Variants in CDC42BPA observed in about 807,000 individuals in gnomAD.
CDC42BPA encodes serine/threonine-protein kinase MRCK alpha.
CDC42BPA carries 80 observed loss-of-function variants against 223.5 expected under a neutral mutation model. The observed-to-expected ratio is 0.36, with a 90% CI of 0.30 to 0.43. The LOEUF (loss-of-function observed/expected upper bound fraction) is 0.43, where lower values mean the gene tolerates loss of function less well. Ranked by LOEUF, CDC42BPA falls within the 20% of genes least tolerant of loss-of-function variation. The pLI, the probability that CDC42BPA is intolerant of heterozygous loss-of-function variation, is 1.00. For synonymous variants in CDC42BPA, 694 were observed against 718.6 expected, an observed-to-expected ratio of 0.97 and a Z score of 0.55; for missense variants, 1,743 against 2,099.9, an observed-to-expected ratio of 0.83 and a Z score of 3.32.
intron 1 of CDC42BPA, among the ~76,000 whole-genome samples, chr1:227,283,224 C>T (rs961533000): frequency 3.3e-5 from 5 of 151,992 alleles, no homozygotes; most frequent in African/African-American, 1.2e-4. Flanking sequence ...CTCATTTGTA[C>T]TTTTTGTACA....
intron 2 of CDC42BPA, among the ~76,000 whole-genome samples, chr1:227,224,576 A>G (rs1676520504): frequency 6.6e-6 from 1 of 152,190 alleles, no homozygotes. Flanking sequence ...CAAAAACCTT[A>G]TATTCCAGTT....
At chr1:227,061,234 A>C (rs73091766) in intron 21 of CDC42BPA, among the ~76,000 whole-genome samples, 8,805 of 152,116 alleles carry the variant, frequency 0.058, 843 homozygotes, top group African/African-American at 0.2. Flanking sequence ...CCAAAACCAA[A>C]CAACCAAACA....
intron 35 of CDC42BPA, chr1:227,004,558 T>C (rs1663607161): frequency 5.5e-6 from 1 of 183,412 alleles, no homozygotes; most frequent in Admixed American, 5.3e-5. Context: ...TAATTTTTGT[T>C]ACTTCCTCAC....
At chr1:227,280,927 T>C (rs779164628) in intron 1 of CDC42BPA, among the ~76,000 whole-genome samples, 9 of 152,280 alleles carry the variant, frequency 5.9e-5, no homozygotes, top group Middle Eastern at 3.4e-3. Context: ...GGGTCAGAAC[T>C]GCCTCTCAGG....
At chr1:227,222,226 T>G (rs114743802) in intron 2 of CDC42BPA, among the ~76,000 whole-genome samples, 2 of 146,980 alleles carry the variant, frequency 1.4e-5, no homozygotes. Flanking sequence ...TTTAAAAAAA[T>G]AGCTGGGCAC....
At chr1:227,034,847 C>A (rs1189766418) in intron 25 of CDC42BPA, 53 bp from the exon 26 acceptor site, 5 of 1,491,136 alleles carry the variant, frequency 3.4e-6, no homozygotes, top group Non-Finnish European at 4.6e-6. Flanking sequence ...ATGAAAATAT[C>A]CCTTAAATTA....
At chr1:226,995,199 G>T (rs539972974) in intron 35 of CDC42BPA, among the ~76,000 whole-genome samples, 9 of 152,056 alleles carry the variant, frequency 5.9e-5, no homozygotes, top group Non-Finnish European at 1.0e-4. Flanking sequence ...GGGGACTCCC[G>T]GTGAGCGAGC....
intron 1 of CDC42BPA, among the ~76,000 whole-genome samples, chr1:227,295,562 T>C (rs1193745895): frequency 6.6e-6 from 1 of 152,214 alleles, no homozygotes; most frequent in African/African-American, 2.4e-5. Flanking sequence ...ACCAAGTTAA[T>C]GTAGTAGGAA....
chr1:227,027,225 A>C (rs1211788557), intron 30 of CDC42BPA, among the ~76,000 whole-genome samples: 1 of 152,182 alleles, frequency 6.6e-6, no homozygotes, highest in East Asian at 1.9e-4. Context: ...CCCAGGATGG[A>C]GGGTGGGGGA....
chr1:227,315,846 T>G (rs1276320038), intron 1 of CDC42BPA, among the ~76,000 whole-genome samples: 2 of 151,754 alleles, frequency 1.3e-5, no homozygotes, highest in Non-Finnish European at 2.9e-5. Flanking sequence ...GACATCACAT[T>G]GCTAGAAACC....
At chr1:227,200,789 T>C (rs1008956914) in intron 3 of CDC42BPA, among the ~76,000 whole-genome samples, 12 of 152,226 alleles carry the variant, frequency 7.9e-5, no homozygotes, top group African/African-American at 1.9e-4. Flanking sequence ...CTGAGTGCTA[T>C]ACCAATTACT....
intron 1 of CDC42BPA, among the ~76,000 whole-genome samples, chr1:227,310,845 C>G (rs1317763148): frequency 7.2e-6 from 1 of 137,936 alleles, no homozygotes; most frequent in Non-Finnish European, 1.6e-5. Context: ...CGTCACCGCG[C>G]CCGGCTAATT....
chr1:227,241,259 T>C (rs912477217), intron 2 of CDC42BPA, among the ~76,000 whole-genome samples: 1 of 152,086 alleles, frequency 6.6e-6, no homozygotes, highest in Non-Finnish European at 1.5e-5. Context: ...ATAAAAATGG[T>C]ACAATCCAAC....
chr1:227,244,805 C>G (rs529407590), intron 2 of CDC42BPA, among the ~76,000 whole-genome samples: 7 of 152,360 alleles, frequency 4.6e-5, no homozygotes, highest in Non-Finnish European at 7.3e-5. Flanking sequence ...AGTCTTGAAT[C>G]ATGGATGCCA....
intron 10 of CDC42BPA, among the ~76,000 whole-genome samples, chr1:227,130,658 C>G (rs1656894177): frequency 6.6e-6 from 1 of 152,058 alleles, no homozygotes; most frequent in African/African-American, 2.4e-5. Context: ...AGTTTGAGAT[C>G]AGCCTGGCCA....
intron 35 of CDC42BPA, among the ~76,000 whole-genome samples, chr1:227,002,209 G>A (rs1663006666): frequency 6.6e-6 from 1 of 152,154 alleles, no homozygotes; most frequent in Non-Finnish European, 1.5e-5. Context: ...AAGGAATTAT[G>A]GACCATCACT....
chr1:227,094,498 A>G (rs1031613716), intron 15 of CDC42BPA, among the ~76,000 whole-genome samples: 9 of 152,086 alleles, frequency 5.9e-5, no homozygotes, highest in Middle Eastern at 6.8e-3. Flanking sequence ...TGCTTTTAAA[A>G]CCCTACTTGT....
At chr1:227,222,485 C>T (rs7530155) in intron 2 of CDC42BPA, among the ~76,000 whole-genome samples, 2 of 151,996 alleles carry the variant, frequency 1.3e-5, no homozygotes, top group African/African-American at 4.8e-5. Context: ...GGGGACACAG[C>T]GAGACTCTGT....
intron 1 of CDC42BPA, among the ~76,000 whole-genome samples, chr1:227,267,931 T>C (rs1322479848): frequency 6.6e-6 from 1 of 152,006 alleles, no homozygotes; most frequent in Non-Finnish European, 1.5e-5. Flanking sequence ...ACAAAAGACA[T>C]GGGAGAAAGA....
Sources: allele counts gnomAD v4.1 joint callset (sites outside exome capture counted in the v4.1 genomes callset), GRCh38; gene constraint gnomAD v4.1.1; transcripts MANE v1.5; gene names NCBI Gene and HGNC (gene_info 2026-07-23, HGNC 2026-07-21).